The following GALNT2 variants were observed in gnomAD, a reference collection of about 807,000 sequenced individuals.
GALNT2 encodes the protein polypeptide N-acetylgalactosaminyltransferase 2.
In GALNT2, 31 loss-of-function variants were observed where a neutral mutation model predicts 81.4. That is an observed-to-expected ratio of 0.38 (90% confidence interval 0.29 to 0.51). The LOEUF is 0.51. GALNT2 is among the 20% of genes least tolerant of loss of function. The pLI, the probability that GALNT2 is intolerant of heterozygous loss-of-function variation, is 0.87. For missense variants in GALNT2, 629 were observed against 765.7 expected, an observed-to-expected ratio of 0.82 and a Z score of 2.11; for synonymous variants, 303 against 287.4, an observed-to-expected ratio of 1.05 and a Z score of -0.55.
intron 2 of GALNT2, among the ~76,000 whole-genome samples, chr1:230,200,418 C>A (rs553199025): frequency 6.6e-6 from 1 of 152,234 alleles, no homozygotes; most frequent in Admixed American, 6.5e-5. Context: ...ACATGAAGTC[C>A]ACAGCATGGG....
intron 1 of GALNT2, among the ~76,000 whole-genome samples, chr1:230,145,123 TA>T (rs60434165): frequency 0.048 from 7,368 of 152,226 alleles, 455 homozygotes; most frequent in African/African-American, 0.14. Context: ...CCGTTACACT[TA>T]GAGCGACCCA....
intron 1 of GALNT2, among the ~76,000 whole-genome samples, chr1:230,074,216 C>T (rs1300645286): frequency 5.9e-5 from 9 of 152,050 alleles, no homozygotes; most frequent in Non-Finnish European, 1.3e-4. Context: ...CCTCACCCTA[C>T]CGAGTAGCTA....
chr1:230,216,374 A>C (rs1471246956), intron 3 of GALNT2, among the ~76,000 whole-genome samples: 1 of 152,230 alleles, frequency 6.6e-6, no homozygotes, highest in Non-Finnish European at 1.5e-5. Flanking sequence ...AACTTAAAAG[A>C]AGCAGCATTG....
intron 14 of GALNT2, among the ~76,000 whole-genome samples, chr1:230,273,006 A>G (rs775224448): frequency 1.3e-5 from 2 of 152,074 alleles, no homozygotes; most frequent in Non-Finnish European, 1.5e-5. Flanking sequence ...TCCTGGCATT[A>G]AGCAGTTCTC....
chr1:230,184,967 G>A (rs755774390), intron 2 of GALNT2, among the ~76,000 whole-genome samples: 99 of 152,054 alleles, frequency 6.5e-4, no homozygotes, highest in Middle Eastern at 6.8e-3. Flanking sequence ...AGTTTCTAAT[G>A]TCATGTCCTA....
In GALNT2 at chr1:230,262,141, G is replaced by A. The variant is rs552032234; in HGVS notation, c.1137-432G>A. Reference sequence around the variant, plus strand: ...AGAGCTGTCTGATAGTGTCGTAGCCGTGACGGAGAAGGCCGTGGGGCCTGG... The same window carrying A: ...AGAGCTGTCTGATAGTGTCGTAGCCATGACGGAGAAGGCCGTGGGGCCTGG... On this transcript the variant is annotated intron_variant, in intron 11 of 15. Coordinates refer to ENST00000366672, the MANE Select transcript of GALNT2 (RefSeq NM_004481.5). 4.1e-4 allele frequency: 65 copies of A among 160,358 alleles called. No homozygotes were observed. The Middle Eastern group carries it at 8.7e-3, about 22-fold the overall frequency. The allele number at this position is 160,358 out of a possible 1,614,324, so 9.9% of individuals were successfully genotyped here.
chr1:230,245,987 A>G, intron 7 of GALNT2, 76 bp from the exon 8 acceptor site: 1 of 1,238,230 alleles, frequency 8.1e-7, no homozygotes, highest in Non-Finnish European at 1.2e-6. Flanking sequence ...CCTGCCTAAT[A>G]CTAATGCCTT....
intron 1 of GALNT2, among the ~76,000 whole-genome samples, chr1:230,157,002 A>G (rs1662277672): frequency 1.3e-5 from 2 of 152,248 alleles, no homozygotes; most frequent in African/African-American, 4.8e-5. Context: ...ACTATCACGA[A>G]AGAGGTAACA....
chr1:230,103,602 GT>G (rs1660460766), intron 1 of GALNT2, among the ~76,000 whole-genome samples: 1 of 152,144 alleles, frequency 6.6e-6, no homozygotes, highest in African/African-American at 2.4e-5. Context: ...CAGGGCATGA[GT>G]TCTGCTCCCA....
chr1:230,187,814 T>C (rs997750143), intron 2 of GALNT2, among the ~76,000 whole-genome samples: 2 of 152,146 alleles, frequency 1.3e-5, no homozygotes, highest in East Asian at 3.9e-4. Flanking sequence ...CCAGCCAAAC[T>C]CTTCTCCAAA....
At chr1:230,206,054 C>G (rs1045175879) in intron 3 of GALNT2, among the ~76,000 whole-genome samples, 1 of 152,088 alleles carries the variant, frequency 6.6e-6, no homozygotes, top group Non-Finnish European at 1.5e-5. Context: ...TGACTTCAGT[C>G]GACTGCTTGG....
intron 1 of GALNT2, among the ~76,000 whole-genome samples, chr1:230,072,666 G>A (rs1194615912): frequency 1.3e-5 from 2 of 152,244 alleles, no homozygotes; most frequent in Admixed American, 6.5e-5. Flanking sequence ...CACTGGCTTA[G>A]CCATGCCACT....
Position 230,072,687 on chromosome 1 carries a change from A to G in GALNT2, c.126+5281A>G, listed in dbSNP as rs141926595. On this transcript the variant is annotated intron_variant, in intron 1 of 15. Coordinates refer to ENST00000366672, the MANE Select transcript of GALNT2 (RefSeq NM_004481.5). ...CTTAGCCATGCCACTCACATGTAAC[A>G]GTGGGGCACTTCCATGCTGGTTGTT... Among the ~76,000 whole-genome samples the G allele has an allele frequency of 9.4e-3, 1,433 of 152,300 alleles. 18 individuals are homozygous for G. The highest frequency in any genetic ancestry group is 0.032 in the African/African-American group (1,337 of 41,550).
rs144886874 is a variant in GALNT2, at chr1:230,130,921, C to T, written c.127-47297C>T. Among the ~76,000 whole-genome samples the T allele has an allele frequency of 1.8e-3, 269 of 152,282 alleles. 1 individual carries two copies. In the Middle Eastern group the frequency reaches 0.024, roughly 13 times the overall value. On this transcript the variant is annotated intron_variant, in intron 1 of 15. Transcript: ENST00000366672. The stretch of plus-strand genomic sequence containing the variant: ...CCACACCCGTGACTGCCCTGCGTCT[C>T]ATGGGAGCAGAAAGGTGGAGGCTGA...
chr1:230,232,207 C>G (rs1331188944), intron 3 of GALNT2, among the ~76,000 whole-genome samples: 1 of 152,194 alleles, frequency 6.6e-6, no homozygotes, highest in Non-Finnish European at 1.5e-5. Flanking sequence ...CACACTCACT[C>G]TAACTCTGGG....
chr1:230,057,967 G>A (rs1023316354), upstream of GALNT2: 1 of 452,882 alleles, frequency 2.2e-6, no homozygotes, highest in Non-Finnish European at 4.5e-6. Context: ...CCAGGACGAA[G>A]GGAGGAAAGG....
At chr1:230,258,879 A>C (rs546317411) in intron 11 of GALNT2, 23 of 152,356 alleles carry the variant, frequency 1.5e-4, no homozygotes, top group African/African-American at 5.5e-4. Context: ...GAGATTTCAG[A>C]AAACAGTATG....
chr1:230,075,374 G>A (rs969776300), intron 1 of GALNT2, among the ~76,000 whole-genome samples: 1 of 151,984 alleles, frequency 6.6e-6, no homozygotes, highest in Non-Finnish European at 1.5e-5. Flanking sequence ...ACCCACCTCG[G>A]CCTCCCAAAG....
At chr1:230,204,420 C>T (rs758379161) in intron 3 of GALNT2, among the ~76,000 whole-genome samples, 1 of 151,814 alleles carries the variant, frequency 6.6e-6, no homozygotes, top group East Asian at 1.9e-4. Context: ...CCGCCCGCCT[C>T]GGCCTCCCAA....
Sources: allele counts gnomAD v4.1 joint callset (sites outside exome capture counted in the v4.1 genomes callset), GRCh38; gene constraint gnomAD v4.1.1; transcripts MANE v1.5; gene names NCBI Gene and HGNC (gene_info 2026-07-23, HGNC 2026-07-21).